Variants in CEP170 observed in about 807,000 individuals in gnomAD.
CEP170 encodes the protein centrosomal protein 170.
A neutral mutation model predicts 151.9 loss-of-function variants in CEP170; 21 were observed. The ratio of observed to expected loss-of-function variants is 0.14; its 90% confidence interval spans 0.10 to 0.20. The LOEUF (loss-of-function observed/expected upper bound fraction) is 0.20, where lower values mean the gene tolerates loss of function less well. Ranked by LOEUF, CEP170 falls within the 10% of genes least tolerant of loss-of-function variation. CEP170 has a pLI of 1.00. For synonymous variants in CEP170, 356 were observed against 648.8 expected (o/e 0.55, Z 6.86); for missense variants, 964 against 1,892.9 (o/e 0.51, Z 9.11).
At chr1:243,182,691 T>C (rs1421597784) in intron 10 of CEP170, among the ~76,000 whole-genome samples, 1 of 151,380 alleles carries the variant, frequency 6.6e-6, no homozygotes, top group Non-Finnish European at 1.5e-5. Flanking sequence ...GAACAAGTCA[T>C]GTGTGCTCCT....
intron 17 of CEP170, among the ~76,000 whole-genome samples, chr1:243,130,566 C>T (rs1403721036): frequency 2.0e-5 from 3 of 152,146 alleles, no homozygotes; most frequent in Non-Finnish European, 4.4e-5. Context: ...ATACTAGCTA[C>T]TTTTTTGGTT....
intron 7 of CEP170, among the ~76,000 whole-genome samples, chr1:243,198,666 AAT>A (rs2060819208): frequency 1.3e-5 from 2 of 152,076 alleles, no homozygotes. Flanking sequence ...TTATTTTAAA[AAT>A]ATGATTATAT....
Position 243,166,090 on chromosome 1 carries a change from T to C in CEP170, c.1870A>G (p.Thr624Ala), listed in dbSNP as rs770339520. The C allele has an allele frequency of 3.1e-6, 5 of 1,613,006 alleles. No homozygotes were observed. The highest frequency in any genetic ancestry group is 1.7e-5 in the Admixed American group (1 of 59,844). Residue 624 changes from threonine (T) to alanine (A), a missense_variant, in exon 13 of 20, where the codon ACA becomes GCA. By Grantham distance (58) the Thr-to-Ala change is moderately conservative. Transcript: ENST00000366542. ...NETEISESGMTVRSTGSATSL... is the reference protein window; with the variant it reads ...NETEISESGMAVRSTGSATSL... Reference sequence around the variant, plus strand: ...GTTGCAGAGCCAGTACTTCTCACTGTCATGCCAGACTCACTGATCTCTGTC... The same window carrying C: ...GTTGCAGAGCCAGTACTTCTCACTGCCATGCCAGACTCACTGATCTCTGTC...
intron 1 of CEP170, among the ~76,000 whole-genome samples, chr1:243,252,891 A>T (rs1400832430): frequency 1.3e-5 from 2 of 152,220 alleles, no homozygotes; most frequent in Non-Finnish European, 2.9e-5. Flanking sequence ...AATAAAAAAC[A>T]TAAAGTTAAT....
rs1321711827 is a variant in CEP170, at chr1:243,225,926, A to C, written c.-41-605T>G. Among the ~76,000 whole-genome samples the C allele has an allele frequency of 2.0e-5, 3 of 151,182 alleles. No individual in the cohort carries two copies. The South Asian group carries it at 6.2e-4, about 31-fold the overall frequency. On this transcript the variant is annotated intron_variant, in intron 1 of 19. Transcript: ENST00000366542. ...TCTTGGGACCCTTTTATACTCTTTA[A>C]AAAATGAACTCCAAAGAGCATTTGT... is the stretch of plus-strand genomic sequence containing the variant.
chr1:243,249,646 T>C (rs1434751099), intron 1 of CEP170, among the ~76,000 whole-genome samples: 1 of 152,138 alleles, frequency 6.6e-6, no homozygotes, highest in East Asian at 1.9e-4. Context: ...CCACTGTCTC[T>C]TTACCTTGAT....
At chr1:243,227,115 A>G (rs564281413) in intron 1 of CEP170, among the ~76,000 whole-genome samples, 1 of 152,360 alleles carries the variant, frequency 6.6e-6, no homozygotes, top group Non-Finnish European at 1.5e-5. Context: ...GTGTTTCATT[A>G]TACTATTTTA....
rs572863981 is a variant in CEP170 at position 243,125,420 on chromosome 1, G to C, written c.*1029C>G. On this transcript the variant is annotated 3_prime_UTR_variant, in exon 20 of 20. Transcript: ENST00000366542. ...CAGAAGCAATTCATTGCTTGGGAGTGAAACTATCAACTAATCTTACGACTA... is the reference window on the plus strand; with the variant it reads ...CAGAAGCAATTCATTGCTTGGGAGTCAAACTATCAACTAATCTTACGACTA... The C allele has an allele frequency of 6.5e-6, 1 of 152,806 alleles. No homozygotes were observed. The highest frequency in any genetic ancestry group is 2.1e-4 in the South Asian group (1 of 4,836). 9.5% of individuals were successfully genotyped at this position (152,806 alleles called of 1,614,324 possible). A position where few individuals can be genotyped will look rare whatever the true frequency, so the allele number is the denominator to read the frequency against.
chr1:243,177,277 A>T (rs972783900), intron 10 of CEP170, among the ~76,000 whole-genome samples: 1 of 152,248 alleles, frequency 6.6e-6, no homozygotes, highest in East Asian at 1.9e-4. Context: ...GAGCAAAATG[A>T]TAATTCAATA....
At chr1:243,138,758 A>T (rs2055440307) in intron 16 of CEP170, among the ~76,000 whole-genome samples, 2 of 152,028 alleles carry the variant, frequency 1.3e-5, no homozygotes, top group Admixed American at 1.3e-4. Context: ...AGTTTTTGAT[A>T]CTGTCAACAA....
chr1:243,242,202 G>A (rs2064913021), intron 1 of CEP170, among the ~76,000 whole-genome samples: 1 of 152,036 alleles, frequency 6.6e-6, no homozygotes, highest in Admixed American at 6.6e-5. Context: ...AAAGGTGCCA[G>A]ATTCTAGTGA....
Position 243,185,032 on chromosome 1 carries a change from C to A in CEP170, c.1566+747G>T, listed in dbSNP as rs1222858447. ...TATGAGGTTGGTGCAAAAGTCACTG[C>A]GGTTTTTGCCATTACTTTCAACGGC... On this transcript the variant is annotated intron_variant, in intron 10 of 19. Transcript: ENST00000366542. The surrounding 1 kb of genome is among the most constrained non-coding windows in gnomAD (Gnocchi z 4.9). Among the ~76,000 whole-genome samples the A allele has an allele frequency of 6.6e-6, 1 of 152,166 alleles. No individual in the cohort carries two copies. The highest frequency in any genetic ancestry group is 1.5e-5 in the Non-Finnish European group (1 of 68,032).
At chr1:243,228,887 G>A (rs1313059667) in intron 1 of CEP170, among the ~76,000 whole-genome samples, 1 of 152,094 alleles carries the variant, frequency 6.6e-6, no homozygotes, top group African/African-American at 2.4e-5. Flanking sequence ...AGAATACATA[G>A]TTTCTGAAAA....
intron 2 of CEP170, among the ~76,000 whole-genome samples, chr1:243,222,596 C>T (rs1192011003): frequency 1.3e-5 from 2 of 152,130 alleles, no homozygotes; most frequent in Admixed American, 1.3e-4. Context: ...CCATGTATTA[C>T]GGGGTTACTG....
chr1:243,199,305 A>T (rs1019652647), intron 6 of CEP170, 111 bp from the exon 7 acceptor site: 1 of 1,108,690 alleles, frequency 9.0e-7, no homozygotes. Context: ...AGCAAAGTAT[A>T]GTCTTGATAG....
At chr1:243,199,579 G>A (rs2060888957) in intron 6 of CEP170, among the ~76,000 whole-genome samples, 1 of 152,052 alleles carries the variant, frequency 6.6e-6, no homozygotes, top group South Asian at 2.1e-4. Context: ...ATCAACTAGG[G>A]AAGAACAAAA....
Position 243,186,245 on chromosome 1 carries a change from G to A in CEP170, c.1272+14C>T, listed in dbSNP as rs2059930483. 6.2e-7 allele frequency: 1 copy of A among 1,613,616 alleles called. No individual in the cohort carries two copies. The highest frequency in any genetic ancestry group is 8.5e-7 in the Non-Finnish European group (1 of 1,179,686). On this transcript the variant is annotated intron_variant, in intron 9 of 19. Transcript: ENST00000366542. ...TTCATCAAAGAATGCAATCATAAAA[G>A]CAGTTTGACTTACAACAGCTTGGTC...
In CEP170 at chr1:243,140,080, G is replaced by A; in HGVS notation, c.4087C>T (p.Leu1363Phe). Residue 1363 changes from leucine to phenylalanine, a missense_variant, in exon 16 of 20, where the codon CTC (leucine) becomes TTC (phenylalanine). Transcript: ENST00000366542. ...AATGGAGGAATCTTTCGGAAGTTGA[G>A]GCTTTCATCAAAAACACGATCAACC... The part of the protein sequence containing the change: ...ELVDRVFDES[L>F]NFRKIPPLVH... The A allele has an allele frequency of 3.1e-6, 5 of 1,613,766 alleles. No individual in the cohort carries two copies. The highest frequency in any genetic ancestry group is 4.2e-6 in the Non-Finnish European group (5 of 1,179,752).
At chr1:243,226,989 C>CA (rs2063349957) in intron 1 of CEP170, among the ~76,000 whole-genome samples, 2 of 151,424 alleles carry the variant, frequency 1.3e-5, no homozygotes, top group Non-Finnish European at 2.9e-5. Context: ...AACTCCGTCT[C>CA]AAAAAAACAA....
Sources: allele counts gnomAD v4.1 joint callset (sites outside exome capture counted in the v4.1 genomes callset), GRCh38; gene constraint gnomAD v4.1.1; non-coding constraint Gnocchi (gnomAD v3.1); transcripts MANE v1.5; gene names NCBI Gene and HGNC (gene_info 2026-07-23, HGNC 2026-07-21).